CACNA2D1: variants seen among roughly 807,000 people sequenced by gnomAD.
CACNA2D1 encodes the protein calcium voltage-gated channel auxiliary subunit alpha2delta 1, also known as voltage-dependent calcium channel subunit alpha-2/delta-1.
In CACNA2D1, 53 loss-of-function variants were observed where a neutral mutation model predicts 171.5. The ratio of observed to expected loss-of-function variants is 0.31; its 90% CI spans 0.25 to 0.39. The LOEUF (loss-of-function observed/expected upper bound fraction) is 0.39, where lower values mean the gene tolerates loss of function less well. Among genes scored for constraint, CACNA2D1 ranks in the 10% least tolerant of loss-of-function variants. The pLI, the probability that CACNA2D1 is intolerant of heterozygous loss-of-function variation, is 1.00. For missense variants in CACNA2D1, 903 were observed against 1,299.8 expected (o/e 0.69, Z 4.69); for synonymous variants, 442 against 443.1 (o/e 1.00, Z 0.03).
chr7:82,440,935 T>C (rs1459975291), intron 1 of CACNA2D1, among the ~76,000 whole-genome samples: 1 of 151,562 alleles, frequency 6.6e-6, no homozygotes, highest in Non-Finnish European at 1.5e-5. Context: ...AAAAACTTCT[T>C]ACATTACTTT....
At chr7:82,354,744 G>A (rs1418844573) in intron 1 of CACNA2D1, among the ~76,000 whole-genome samples, 3 of 152,116 alleles carry the variant, frequency 2.0e-5, no homozygotes, top group African/African-American at 7.2e-5. Flanking sequence ...GTATGGCTAT[G>A]TGAAATTCTT....
At chr7:82,195,934 C>T (rs1798808133) in intron 3 of CACNA2D1, among the ~76,000 whole-genome samples, 1 of 152,004 alleles carries the variant, frequency 6.6e-6, no homozygotes, top group South Asian at 2.1e-4. Context: ...TGACTGTCTC[C>T]TGGAAAGCTT....
intron 10 of CACNA2D1, among the ~76,000 whole-genome samples, chr7:82,055,010 C>A (rs1182101168): frequency 6.6e-6 from 1 of 152,154 alleles, no homozygotes; most frequent in African/African-American, 2.4e-5. Context: ...TGTGTGGCAA[C>A]TAATTAAAAG....
intron 3 of CACNA2D1, among the ~76,000 whole-genome samples, chr7:82,285,881 G>A (rs1393368463): frequency 6.6e-6 from 1 of 152,130 alleles, no homozygotes; most frequent in African/African-American, 2.4e-5. Context: ...AATACAGTTG[G>A]GGGTATGCAC....
At chr7:82,056,300 G>A (rs2131348563) in intron 10 of CACNA2D1, among the ~76,000 whole-genome samples, 1 of 152,246 alleles carries the variant, frequency 6.6e-6, no homozygotes, top group African/African-American at 2.4e-5. Flanking sequence ...AGTCCTAAAA[G>A]GATCAAGATT....
chr7:82,338,650 T>C (rs951268784), intron 2 of CACNA2D1, among the ~76,000 whole-genome samples: 2 of 152,164 alleles, frequency 1.3e-5, no homozygotes, highest in Non-Finnish European at 2.9e-5. Context: ...TCAGAATATC[T>C]GGAGGGAGTC....
At chr7:82,210,986 C>T (rs1283416419) in intron 3 of CACNA2D1, among the ~76,000 whole-genome samples, 1 of 152,042 alleles carries the variant, frequency 6.6e-6, no homozygotes, top group Admixed American at 6.6e-5. Context: ...GTGTTAAGAG[C>T]TTTAAAAGGA....
At chr7:82,209,298 A>G (rs567303467) in intron 3 of CACNA2D1, among the ~76,000 whole-genome samples, 1 of 152,314 alleles carries the variant, frequency 6.6e-6, no homozygotes, top group African/African-American at 2.4e-5. Flanking sequence ...ATCTATGTCC[A>G]CTGATCCACT....
At chr7:81,982,966 A>G (rs776571714) in intron 23 of CACNA2D1, among the ~76,000 whole-genome samples, 2 of 152,170 alleles carry the variant, frequency 1.3e-5, no homozygotes, top group Non-Finnish European at 2.9e-5. Flanking sequence ...AAGACCAATT[A>G]TTTATATAAA....
chr7:82,189,051 A>G (rs1306865139), intron 3 of CACNA2D1, among the ~76,000 whole-genome samples: 2 of 152,042 alleles, frequency 1.3e-5, no homozygotes, highest in Non-Finnish European at 2.9e-5. Flanking sequence ...GAAGATAGAA[A>G]AAGTACCTAC....
chr7:82,261,764 A>G (rs1807132906), intron 3 of CACNA2D1, among the ~76,000 whole-genome samples: 1 of 151,996 alleles, frequency 6.6e-6, no homozygotes, highest in Admixed American at 6.6e-5. Context: ...CTGCTACTTT[A>G]CTTTCAATTA....
intron 6 of CACNA2D1, among the ~76,000 whole-genome samples, chr7:82,088,692 G>T (rs1378582354): frequency 6.6e-6 from 1 of 151,822 alleles, no homozygotes; most frequent in Non-Finnish European, 1.5e-5. Context: ...CCTTTGATTT[G>T]GCAAGATATA....
At position 81,948,928 on chromosome 7, in the gene CACNA2D1, G is replaced by A. The variant is rs1231465651; in HGVS notation, c.*1464C>T. On this transcript the variant is annotated 3_prime_UTR_variant, in exon 39 of 39. Coordinates refer to ENST00000356860, the MANE Select transcript of CACNA2D1 (RefSeq NM_000722.4). ...CTACACTAACCATTTTCACCAATGA[G>A]GCTGTATAAAAAACAACTTTTATTA... 1 of 151,852 alleles carries A rather than the reference G, an allele frequency of 6.6e-6. No homozygotes were observed. The highest frequency in any genetic ancestry group is 2.4e-5 in the African/African-American group (1 of 41,406). 9.4% of individuals were successfully genotyped at this position (151,852 alleles called of 1,614,324 possible). A position where few individuals can be genotyped will look rare whatever the true frequency, so the allele number is the denominator to read the frequency against.
intron 3 of CACNA2D1, among the ~76,000 whole-genome samples, chr7:82,295,994 TA>T (rs1812231278): frequency 6.6e-6 from 1 of 151,114 alleles, no homozygotes. Context: ...TCATTCTCAG[TA>T]AACTATCGCA....
chr7:81,983,707 C>T (rs1665244826), intron 22 of CACNA2D1, among the ~76,000 whole-genome samples: 1 of 152,112 alleles, frequency 6.6e-6, no homozygotes, highest in African/African-American at 2.4e-5. Flanking sequence ...TGCAGAATTG[C>T]TGGTTGTGAA....
chr7:81,955,974 ATATATATT>A (rs1367682064), intron 38 of CACNA2D1, among the ~76,000 whole-genome samples: 6 of 71,340 alleles, frequency 8.4e-5, no homozygotes, highest in South Asian at 5.3e-4. Context: ...ATATATATAT[ATATATATT>A]TTTTTTTTTT....
intron 3 of CACNA2D1, among the ~76,000 whole-genome samples, chr7:82,301,730 TACACACACACACACACACACAC>T (rs4018910): frequency 9.3e-4 from 133 of 142,278 alleles, no homozygotes; most frequent in Middle Eastern, 3.5e-3. Context: ...TGGTAAATAA[TACACACACACACACACACACAC>T]ACACACACAC....
At chr7:82,012,521 C>T (rs1228350461) in intron 14 of CACNA2D1, among the ~76,000 whole-genome samples, 7 of 152,026 alleles carry the variant, frequency 4.6e-5, no homozygotes, top group Non-Finnish European at 1.0e-4. Context: ...TGTGTTACAG[C>T]CAGTAAGTGA....
chr7:82,426,571 G>GA (rs560850664), intron 1 of CACNA2D1, among the ~76,000 whole-genome samples: 5 of 151,610 alleles, frequency 3.3e-5, no homozygotes, highest in Admixed American at 6.6e-5. Flanking sequence ...ATCTTAGCAG[G>GA]AAAAAAAAGT....
Sources: gnomAD v4.1 joint callset for allele counts (sites outside exome capture counted in the v4.1 genomes callset) on GRCh38, gnomAD v4.1.1 for gene constraint, MANE v1.5 for transcripts, NCBI Gene and HGNC (gene_info 2026-07-23, HGNC 2026-07-21) for gene names.